PTPRK: variants seen among roughly 807,000 people sequenced by gnomAD.
The protein encoded by PTPRK is receptor-type tyrosine-protein phosphatase kappa.
A neutral mutation model predicts 178.0 loss-of-function variants in PTPRK; 75 were observed. The observed-to-expected ratio is 0.42, with a 90% CI of 0.35 to 0.51. The LOEUF (loss-of-function observed/expected upper bound fraction) is 0.51. Among genes scored for constraint, PTPRK ranks in the 20% least tolerant of loss-of-function variants. The pLI, the probability that PTPRK is intolerant of heterozygous loss-of-function variation, is 0.02. For synonymous variants in PTPRK, 637 were observed against 620.6 expected, an observed-to-expected ratio of 1.03 and a Z score of -0.39; for missense variants, 1,441 against 1,797.8, an observed-to-expected ratio of 0.80 and a Z score of 3.59.
At chr6:128,054,881 G>A (rs1000181361) in intron 13 of PTPRK, among the ~76,000 whole-genome samples, 4 of 152,102 alleles carry the variant, frequency 2.6e-5, no homozygotes, top group Admixed American at 1.3e-4. Context: ...TTTGCCACAG[G>A]TCATGAGGAT....
At chr6:128,386,906 A>G (rs1429887529) in intron 2 of PTPRK, among the ~76,000 whole-genome samples, 1 of 152,044 alleles carries the variant, frequency 6.6e-6, no homozygotes, top group East Asian at 1.9e-4. Flanking sequence ...CATCTCTACT[A>G]AAAATACAAA....
intron 1 of PTPRK, among the ~76,000 whole-genome samples, chr6:128,407,653 A>AAAAAAG (rs1554255913): frequency 3.4e-5 from 5 of 147,630 alleles, no homozygotes; most frequent in African/African-American, 1.3e-4. Context: ...AAAAAAAAAA[A>AAAAAAG]AAGAAGAAGA....
chr6:128,101,344 A>G (rs1290950671), intron 7 of PTPRK, among the ~76,000 whole-genome samples: 2 of 152,058 alleles, frequency 1.3e-5, no homozygotes, highest in Non-Finnish European at 2.9e-5. Flanking sequence ...ATCATTTTCC[A>G]CAAGCACCTC....
At chr6:128,450,987 G>A (rs1339285564) in intron 1 of PTPRK, among the ~76,000 whole-genome samples, 1 of 152,030 alleles carries the variant, frequency 6.6e-6, no homozygotes, top group Non-Finnish European at 1.5e-5. Context: ...CTTCCCAAGT[G>A]GTCATGACCA....
At chr6:128,443,197 C>T (rs1447812704) in intron 1 of PTPRK, among the ~76,000 whole-genome samples, 1 of 152,132 alleles carries the variant, frequency 6.6e-6, no homozygotes, top group Non-Finnish European at 1.5e-5. Flanking sequence ...GTTATCAGTA[C>T]ACCGTCTTTA....
chr6:128,445,082 G>C (rs1303540794), intron 1 of PTPRK, among the ~76,000 whole-genome samples: 1 of 151,144 alleles, frequency 6.6e-6, no homozygotes, highest in Non-Finnish European at 1.5e-5. Context: ...TAGAATAAAA[G>C]GGCCAGGTGC....
chr6:128,482,753 T>C (rs949969883), intron 1 of PTPRK, among the ~76,000 whole-genome samples: 1 of 152,218 alleles, frequency 6.6e-6, no homozygotes, highest in African/African-American at 2.4e-5. Flanking sequence ...CCTCTTCTAC[T>C]GTTTGCAATC....
chr6:128,004,330 A>T (rs1403018017), intron 15 of PTPRK, among the ~76,000 whole-genome samples: 1 of 151,894 alleles, frequency 6.6e-6, no homozygotes, highest in Non-Finnish European at 1.5e-5. Flanking sequence ...AAACAGATGC[A>T]CTATAGAACA....
chr6:128,283,197 G>T (rs1197344004), intron 3 of PTPRK, among the ~76,000 whole-genome samples: 6 of 152,108 alleles, frequency 3.9e-5, no homozygotes, highest in Non-Finnish European at 7.4e-5. Context: ...AGTCCTTGGT[G>T]CACACTTGTC....
At chr6:128,151,789 C>A (rs1449424346) in intron 7 of PTPRK, among the ~76,000 whole-genome samples, 1 of 151,728 alleles carries the variant, frequency 6.6e-6, no homozygotes, top group Non-Finnish European at 1.5e-5. Flanking sequence ...AACAGAATAA[C>A]AGATGATTAA....
intron 21 of PTPRK, among the ~76,000 whole-genome samples, chr6:127,987,915 G>A (rs1776159517): frequency 6.6e-6 from 1 of 151,956 alleles, no homozygotes; most frequent in South Asian, 2.1e-4. Context: ...TCCCTAATTA[G>A]AGTATTACTA....
intron 20 of PTPRK, 126 bp from the exon 21 acceptor site, chr6:127,991,011 A>T: frequency 1.5e-6 from 1 of 647,710 alleles, no homozygotes. Context: ...AAATGAGAAA[A>T]AAATCTATTA....
rs536825532 is a variant in PTPRK at position 128,263,391 on chromosome 6, A to C, written c.496-20789T>G. Among the ~76,000 whole-genome samples the C allele has an allele frequency of 1.6e-4, 24 of 152,276 alleles. 1 individual carries two copies. The highest frequency in any genetic ancestry group is 1.5e-4 in the Non-Finnish European group (10 of 68,016). ...TTCAACAAATGGCAGGGAATGACAG[A>C]TCATGGTTTGTGGCACTTGTTGATT... On this transcript the variant is annotated intron_variant, in intron 3 of 29. Transcript: ENST00000368226.
rs1215835937 is a variant in PTPRK, at chr6:128,136,289, CA to C, written c.1163-46298del. ...TTATGGCATCCTAGGCAGACAAATACATATGGTATCAAAAAATGAAGAAATA... is the reference window on the plus strand; with the variant it reads ...TTATGGCATCCTAGGCAGACAAATACTATGGTATCAAAAAATGAAGAAATA... On this transcript the variant is annotated intron_variant, in intron 7 of 29. Coordinates refer to ENST00000368226, the MANE Select transcript of PTPRK (RefSeq NM_002844.4). Among the ~76,000 whole-genome samples the C allele has an allele frequency of 2.0e-5, 3 of 152,258 alleles. No homozygotes were observed. In the South Asian group the frequency reaches 6.2e-4, roughly 32 times the overall value.
chr6:128,519,553 T>G lies in PTPRK; in HGVS notation c.100+706A>C, dbSNP rs964274448. ...CGAGGAGCGGGCTCCCACGCGCGAG[T>G]CAGGCTTCCTCCACCAGGCGCCCAG... On this transcript the variant is annotated intron_variant, in intron 1 of 29. Transcript: ENST00000368226. The surrounding 1 kb of genome is among the most constrained non-coding windows in gnomAD (Gnocchi z 4.3). 1.3e-5 allele frequency among the ~76,000 whole-genome samples: 2 copies of G among 151,954 alleles called. No homozygotes were observed. Among genetic ancestry groups the G allele is most frequent in the African/African-American group, 4.8e-5 (2 of 41,352 alleles).
chr6:128,268,899 T>C lies in PTPRK; in HGVS notation c.496-26297A>G, dbSNP rs376128588. ...GTTTCTTGATGAGTTTACCAACACATAGGTAAATAAACACAGAGGATTTAA... is the reference window on the plus strand; with the variant it reads ...GTTTCTTGATGAGTTTACCAACACACAGGTAAATAAACACAGAGGATTTAA... On this transcript the variant is annotated intron_variant, in intron 3 of 29. Transcript: ENST00000368226. 5.3e-5 allele frequency among the ~76,000 whole-genome samples: 8 copies of C among 152,160 alleles called. No individual in the cohort carries two copies. In the South Asian group the frequency reaches 1.2e-3, roughly 24 times the overall value.
intron 1 of PTPRK, among the ~76,000 whole-genome samples, chr6:128,504,108 A>G (rs1253576692): frequency 2.0e-5 from 3 of 152,246 alleles, no homozygotes; most frequent in African/African-American, 4.8e-5. Flanking sequence ...TGCTCACATA[A>G]AAGACAACAC....
chr6:128,366,136 T>A (rs1051658652), intron 2 of PTPRK, among the ~76,000 whole-genome samples: 13 of 152,198 alleles, frequency 8.5e-5, no homozygotes, highest in African/African-American at 2.9e-4. Context: ...AAGCTCAAGG[T>A]AAGCACAAAA....
rs1171977706 is a variant in PTPRK, at chr6:127,976,545, T to C, written c.3969+112A>G. 6.3e-6 allele frequency: 8 copies of C among 1,271,212 alleles called. No homozygotes were observed. In the South Asian group the frequency reaches 8.1e-5, roughly 13 times the overall value. The allele number at this position is 1,271,212 out of a possible 1,614,324, so 78.7% of individuals were successfully genotyped here. On this transcript the variant is annotated intron_variant, in intron 27 of 29. Transcript: ENST00000368226. The stretch of plus-strand genomic sequence containing the variant: ...AGATGGTTACTAGCTTTGAGGTGGA[T>C]GATATAGTGCTTATTAATTGTAGTC...
Sources: gnomAD v4.1 joint callset for allele counts (sites outside exome capture counted in the v4.1 genomes callset) on GRCh38, gnomAD v4.1.1 for gene constraint, Gnocchi (gnomAD v3.1) non-coding constraint, MANE v1.5 for transcripts, NCBI Gene and HGNC (gene_info 2026-07-23, HGNC 2026-07-21) for gene names.